CYP27C1: variants seen among roughly 807,000 people sequenced by gnomAD.
The protein encoded by CYP27C1 is cytochrome P450 family 27 subfamily C member 1.
Under a neutral mutation model 40.6 loss-of-function variants are expected in CYP27C1, and 29 were observed. The ratio of observed to expected loss-of-function variants is 0.71; its 90% confidence interval spans 0.53 to 0.97. The LOEUF is 0.97. Ranked by LOEUF, CYP27C1 falls within the 50% of genes least tolerant of loss-of-function variation. The pLI is 0.00. For synonymous variants in CYP27C1, 198 were observed against 186.8 expected (o/e 1.06, Z -0.49); for missense variants, 390 against 485.8 (o/e 0.80, Z 1.85).
intron 8 of CYP27C1, among the ~76,000 whole-genome samples, chr2:127,190,064 G>A (rs545382462): frequency 6.6e-6 from 1 of 152,042 alleles, no homozygotes; most frequent in African/African-American, 2.4e-5. Context: ...ACCCTGTCTA[G>A]GTTCAGGATA....
chr2:127,210,400 CAA>C (rs1057006287), intron 1 of CYP27C1, among the ~76,000 whole-genome samples: 10 of 152,144 alleles, frequency 6.6e-5, no homozygotes, highest in Non-Finnish European at 1.3e-4. Context: ...CCAGCCACTG[CAA>C]AAACACACCA....
intron 2 of CYP27C1, among the ~76,000 whole-genome samples, chr2:127,205,373 C>T (rs546661093): frequency 6.6e-6 from 1 of 152,322 alleles, no homozygotes; most frequent in African/African-American, 2.4e-5. Context: ...CTGCAGGCGC[C>T]CTGGGCCTCC....
At chr2:127,191,396 C>T (rs1286245043) in intron 8 of CYP27C1, among the ~76,000 whole-genome samples, 3 of 152,316 alleles carry the variant, frequency 2.0e-5, no homozygotes, top group Middle Eastern at 3.4e-3. Context: ...CATTTCACCG[C>T]TGGCCTCTTG....
Position 127,201,914 on chromosome 2 carries a change from C to T in CYP27C1, c.674-583G>A, listed in dbSNP as rs1177061365. Among the ~76,000 whole-genome samples, 1 of 152,088 alleles carries T rather than the reference C, an allele frequency of 6.6e-6. No homozygotes were observed. The highest frequency in any genetic ancestry group is 1.5e-5 in the Non-Finnish European group (1 of 68,032). On this transcript the variant is annotated intron_variant, in intron 3 of 8. Coordinates refer to ENST00000664447, the MANE Select transcript of CYP27C1 (RefSeq NM_001367502.1). The surrounding 1 kb of genome is among the most constrained non-coding windows in gnomAD (Gnocchi z 6.0). ...AGAAGTGGCCTGGATGAATCCGTGT[C>T]GGGCAGAGCTGTGAACTGTATTTAC... is the stretch of plus-strand genomic sequence containing the variant.
At chr2:127,203,349 C>T (rs780490351) in intron 3 of CYP27C1, 23 bp downstream of exon 3, 1 of 1,607,440 alleles carries the variant, frequency 6.2e-7, no homozygotes, top group South Asian at 1.1e-5. Context: ...TTCCCTCCTT[C>T]CCACCTGCTG....
At chr2:127,211,383 T>TTG (rs1683334874) in intron 1 of CYP27C1, among the ~76,000 whole-genome samples, 1 of 133,290 alleles carries the variant, frequency 7.5e-6, no homozygotes, top group African/African-American at 2.8e-5. Context: ...TTTTTTTTTT[T>TTG]TTTTTTTTTT....
At position 127,208,457 on chromosome 2, in the gene CYP27C1, C is replaced by T. The variant is rs775016073; in HGVS notation, c.283-2367G>A. Among the ~76,000 whole-genome samples the T allele has an allele frequency of 7.2e-5, 11 of 152,176 alleles. No individual in the cohort carries two copies. Among genetic ancestry groups the T allele is most frequent in the Non-Finnish European group, 1.3e-4 (9 of 68,012 alleles). On this transcript the variant is annotated intron_variant, in intron 1 of 8. Transcript: ENST00000664447. The surrounding 1 kb of genome is among the most constrained non-coding windows in gnomAD (Gnocchi z 5.2). ...TGGTATGCACAGATTCCTACAGCCTCTCAGCTGGAATCTGTTTAAGCCTAC... is the reference window on the plus strand; with the variant it reads ...TGGTATGCACAGATTCCTACAGCCTTTCAGCTGGAATCTGTTTAAGCCTAC...
chr2:127,202,273 C>T (rs1452172528), intron 3 of CYP27C1, among the ~76,000 whole-genome samples: 4 of 151,944 alleles, frequency 2.6e-5, no homozygotes, highest in Non-Finnish European at 5.9e-5. Context: ...TACAGGTGCC[C>T]GCCACCATGG....
chr2:127,218,062 ACT>A lies in CYP27C1; in HGVS notation c.282+1925_282+1926del, dbSNP rs1230048117. ...GAAGGCAGCAAGTGAGTCAGTTGTG[ACT>A]CTCTGCTCCGTGCCCCAGGGCCCTG... On this transcript the variant is annotated intron_variant, in intron 1 of 8. Coordinates refer to ENST00000664447, the MANE Select transcript of CYP27C1 (RefSeq NM_001367502.1). The surrounding 1 kb of genome is among the most constrained non-coding windows in gnomAD (Gnocchi z 6.0). 6.6e-6 allele frequency among the ~76,000 whole-genome samples: 1 copy of A among 151,646 alleles called. No homozygotes were observed. The highest frequency in any genetic ancestry group is 2.4e-5 in the African/African-American group (1 of 41,230).
chr2:127,216,280 G>GA (rs1683428630), intron 1 of CYP27C1, among the ~76,000 whole-genome samples: 1 of 152,160 alleles, frequency 6.6e-6, no homozygotes, highest in South Asian at 2.1e-4. Flanking sequence ...CTAAAAGGTG[G>GA]AAACAATCCA....
At chr2:127,211,375 T>TG (rs1683333949) in intron 1 of CYP27C1, among the ~76,000 whole-genome samples, 15 of 89,390 alleles carry the variant, frequency 1.7e-4, no homozygotes, top group African/African-American at 3.0e-4. Context: ...TTTTGTTTTT[T>TG]TTTTTTTTTT....
chr2:127,195,189 T>C lies in CYP27C1; in HGVS notation c.1214+146A>G. ...TAAAACAGAATGGTCTTTCTGCTAT[T>C]CTGACAAGAGCAGAGAAAAAATAAC... On this transcript the variant is annotated intron_variant, in intron 6 of 8. Coordinates refer to ENST00000664447, the MANE Select transcript of CYP27C1 (RefSeq NM_001367502.1). This position sits in a 1 kb window ranked among gnomAD's most constrained non-coding sequence, Gnocchi z 6.2. 1.0e-6 allele frequency: 1 copy of C among 988,220 alleles called. No individual in the cohort carries two copies. Among genetic ancestry groups the C allele is most frequent in the Admixed American group, 2.6e-5 (1 of 38,800 alleles). The allele number at this position is 988,220 out of a possible 1,614,324, so 61.2% of individuals were successfully genotyped here.
intron 1 of CYP27C1, among the ~76,000 whole-genome samples, chr2:127,206,327 G>C (rs1233961520): frequency 1.3e-5 from 2 of 151,714 alleles, no homozygotes; most frequent in East Asian, 3.9e-4. Context: ...TTGTTTTTTA[G>C]AGACAGGGTC....
At chr2:127,204,470 AAG>A (rs1491206765) in intron 2 of CYP27C1, among the ~76,000 whole-genome samples, 1 of 66,242 alleles carries the variant, frequency 1.5e-5, no homozygotes, top group East Asian at 5.7e-4. Context: ...GAAAGAAAGA[AAG>A]AAAGAAAGAA....
chr2:127,201,259 T>C lies in CYP27C1; in HGVS notation c.746A>G (p.Tyr249Cys), dbSNP rs1286717114. 1 of 1,614,202 alleles carries C rather than the reference T, an allele frequency of 6.2e-7. No homozygotes were observed. Among genetic ancestry groups the C allele is most frequent in the East Asian group, 2.2e-5 (1 of 44,888 alleles). ...ENSIPQLTVE[Y>C]IEALELMFSM... is the part of the protein sequence containing the mutation. ...AAACATGAGCTCCAGGGCCTCGATG[T>C]ATTCCACAGTCAGCTGTGGGATGCT... The change falls in exon 4 of 9, where the codon TAC becomes TGC. Residue 249 changes from tyrosine (Y) to cysteine (C), a missense_variant. Coordinates refer to ENST00000664447, the MANE Select transcript of CYP27C1 (RefSeq NM_001367502.1). The surrounding 1 kb of genome is among the most constrained non-coding windows in gnomAD (Gnocchi z 6.0).
At position 127,191,788 on chromosome 2, in the gene CYP27C1, C is replaced by T. The variant is rs565029284; in HGVS notation, c.1497+1306G>A. ...CAGCTTGCCCTGAGCTCCCCCTACA[C>T]ATCGAGCTGCCACTCACATACTCCC... On this transcript the variant is annotated intron_variant, in intron 8 of 8. Coordinates refer to ENST00000664447, the MANE Select transcript of CYP27C1 (RefSeq NM_001367502.1). Among the ~76,000 whole-genome samples, 24 of 152,344 alleles carry T rather than the reference C, an allele frequency of 1.6e-4. No homozygotes were observed. In the South Asian group the frequency reaches 4.6e-3, roughly 29 times the overall value.
At chr2:127,194,495 T>C (rs1254932232) in intron 6 of CYP27C1, among the ~76,000 whole-genome samples, 1 of 152,106 alleles carries the variant, frequency 6.6e-6, no homozygotes, top group Non-Finnish European at 1.5e-5. Flanking sequence ...ATGTAATCCG[T>C]CCCTAATCCC....
chr2:127,207,563 A>G (rs1573904351), intron 1 of CYP27C1, among the ~76,000 whole-genome samples: 1 of 151,982 alleles, frequency 6.6e-6, no homozygotes, highest in African/African-American at 2.4e-5. Flanking sequence ...CCAGCTACTC[A>G]GGAGGCTGAG....
chr2:127,203,218 C>T (rs997758740), intron 3 of CYP27C1, among the ~76,000 whole-genome samples, 154 bp downstream of exon 3: 5 of 151,640 alleles, frequency 3.3e-5, no homozygotes, highest in African/African-American at 1.2e-4. Flanking sequence ...CGGTGGTTCA[C>T]ACCAGGTTCA....
Sources: allele counts gnomAD v4.1 joint callset (sites outside exome capture counted in the v4.1 genomes callset), GRCh38; gene constraint gnomAD v4.1.1; non-coding constraint Gnocchi (gnomAD v3.1); transcripts MANE v1.5; gene names NCBI Gene and HGNC (gene_info 2026-07-23, HGNC 2026-07-21).